ADGRG4: variants seen among roughly 807,000 people sequenced by gnomAD.
ADGRG4 encodes adhesion G protein-coupled receptor G4.
A neutral mutation model predicts 126.2 loss-of-function variants in ADGRG4; 122 were observed. The ratio of observed to expected loss-of-function variants is 0.97; its 90% CI spans 0.83 to 1.12. The LOEUF is 1.12. ADGRG4 is among the 50% of genes most tolerant of loss of function. The probability of loss-of-function intolerance (pLI) is 0.00; values close to 1 mark genes in which losing one functional copy is unlikely to be tolerated. For missense variants in ADGRG4, 2,481 were observed against 2,251.8 expected, an observed-to-expected ratio of 1.10 and a Z score of -2.06; for synonymous variants, 943 against 838.7, an observed-to-expected ratio of 1.12 and a Z score of -2.15.
At chrX:136,366,139 A>G (rs1248953865) in intron 13 of ADGRG4, among the ~76,000 whole-genome samples, 2 of 112,299 alleles carry the variant, frequency 1.8e-5, no homozygotes, top group Non-Finnish European at 1.9e-5. Context: ...CCATTACAGT[A>G]TCATATGGGA....
chrX:136,349,959 C>T lies in ADGRG4; in HGVS notation c.6253C>T (p.Pro2085Ser), dbSNP rs1293607565. The T allele has an allele frequency of 2.5e-6, 3 of 1,208,341 alleles. No homozygotes were observed. Among genetic ancestry groups the T allele is most frequent in the Non-Finnish European group, 3.4e-6 (3 of 893,948 alleles). The change falls in exon 6 of 26, where the codon CCA becomes TCA. Residue 2085 changes from proline to serine, a missense_variant. Transcript: ENST00000394143. Reference sequence around the variant, plus strand: ...ACTGGGTGGTATCACTACTGGCTTCCCAACTTCTCTCCCTATGTCTATAAA... The same window carrying T: ...ACTGGGTGGTATCACTACTGGCTTCTCAACTTCTCTCCCTATGTCTATAAA... ...PTLGGITTGFPTSLPMSINVT... is the reference protein window; with the variant it reads ...PTLGGITTGFSTSLPMSINVT...
Position 136,361,507 on chromosome X carries a change from T to C in ADGRG4, c.7197T>C (p.Tyr2399=). The change falls in exon 12 of 26, where the codon TAT becomes TAC. Residue 2399 remains tyrosine (Y), a synonymous_variant. Transcript: ENST00000394143. ...CAGCCTCTAAATACAAAGGGACCTA[T>C]AAGTGGCTATTAACCAACCCTACGG... ...DETASKYKGT[Y]KWLLTNPTET... 1 of 1,188,532 alleles carries C rather than the reference T, an allele frequency of 8.4e-7. No homozygotes were observed. Among genetic ancestry groups the C allele is most frequent in the Non-Finnish European group, 1.1e-6 (1 of 879,048 alleles).
At chrX:136,390,836 G>A (rs966350077) in intron 16 of ADGRG4, among the ~76,000 whole-genome samples, 13 of 110,879 alleles carry the variant, frequency 1.2e-4, no homozygotes, top group African/African-American at 3.3e-4. Context: ...GCGTCACTTA[G>A]ACTAAGTTGG....
rs1466186554 is a variant in ADGRG4 at position 136,345,481 on chromosome X, C to T, written c.1775C>T (p.Ser592Phe). 1.7e-6 allele frequency: 2 copies of T among 1,211,011 alleles called. No individual in the cohort carries two copies. Among genetic ancestry groups the T allele is most frequent in the Admixed American group, 4.4e-5 (2 of 45,938 alleles). Reference protein sequence around the residue: ...TALTPEITLASTVAETMLSST... With the variant: ...TALTPEITLAFTVAETMLSST... ...TTAACTCCTGAAATCACACTTGCAT[C>T]TACAGTGGCTGAAACTATGCTTTCC... Residue 592 changes from serine (S) to phenylalanine (F), a missense_variant, in exon 6 of 26, where the codon TCT (serine) becomes TTT (phenylalanine). By Grantham distance (155) the Ser-to-Phe change is radical (BLOSUM62 -2). Coordinates refer to ENST00000394143, the MANE Select transcript of ADGRG4 (RefSeq NM_153834.4).
In ADGRG4 at chrX:136,349,972, C is replaced by G; in HGVS notation, c.6266C>G (p.Pro2089Arg). ...GITTGFPTSL[P>R]MSINVTDDIV... The stretch of plus-strand genomic sequence containing the variant: ...ACTACTGGCTTCCCAACTTCTCTCC[C>G]TATGTCTATAAATGTCACAGATGAC... Residue 2089 changes from proline to arginine, a missense_variant, in exon 6 of 26, where the codon CCT becomes CGT. Pro to Arg is a moderately radical substitution (Grantham distance 103, BLOSUM62 -2). Transcript: ENST00000394143. 8.3e-7 allele frequency: 1 copy of G among 1,210,119 alleles called. No homozygotes were observed. Among genetic ancestry groups the G allele is most frequent in the Non-Finnish European group, 1.1e-6 (1 of 894,099 alleles).
intron 4 of ADGRG4, among the ~76,000 whole-genome samples, chrX:136,314,762 G>A (rs992488263): frequency 4.9e-4 from 55 of 112,051 alleles, no homozygotes; most frequent in African/African-American, 1.8e-3. Flanking sequence ...AAGCTGATGA[G>A]CTCAGGGACC....
chrX:136,397,889 C>T lies in ADGRG4; in HGVS notation c.8193C>T (p.Ser2731=). ...CACATTGTGTTCCTTAGGATTTATCCAGGTCTACAGTGGATTCAGTGAATG... is the reference window on the plus strand; with the variant it reads ...CACATTGTGTTCCTTAGGATTTATCTAGGTCTACAGTGGATTCAGTGAATG... ...LTHFGVLMDL[S]RSTVDSVNEQ... Residue 2731 remains serine, a synonymous_variant, in exon 20 of 26, where the codon TCC becomes TCT. Coordinates refer to ENST00000394143, the MANE Select transcript of ADGRG4 (RefSeq NM_153834.4). 4.2e-6 allele frequency: 5 copies of T among 1,204,597 alleles called. No homozygotes were observed. Among genetic ancestry groups the T allele is most frequent in the Non-Finnish European group, 5.6e-6 (5 of 889,918 alleles).
chrX:136,313,765 C>G (rs760595498), intron 4 of ADGRG4, among the ~76,000 whole-genome samples: 6 of 111,500 alleles, frequency 5.4e-5, no homozygotes, highest in Admixed American at 9.6e-5. Context: ...GTTCACCGCC[C>G]GGAGGTGGAT....
chrX:136,342,948 T>C (rs774482545), intron 5 of ADGRG4, among the ~76,000 whole-genome samples: 13 of 91,514 alleles, frequency 1.4e-4, no homozygotes, highest in African/African-American at 5.5e-4. Context: ...GGGGATCAGA[T>C]TGGCACTTAA....
intron 7 of ADGRG4, among the ~76,000 whole-genome samples, chrX:136,352,171 G>A (rs894537834): frequency 1.8e-5 from 2 of 111,825 alleles, no homozygotes; most frequent in Non-Finnish European, 3.8e-5. Flanking sequence ...CAAAATAATT[G>A]TAGTTGTACT....
At position 136,412,354 on chromosome X, in the gene ADGRG4, G is replaced by C. The variant is rs746739687; in HGVS notation, c.9025G>C (p.Asp3009His). Residue 3009 changes from aspartate (D) to histidine (H), a missense_variant, in exon 24 of 26, where the codon GAT becomes CAT. Asp to His is a moderately conservative substitution (Grantham distance 81). Coordinates refer to ENST00000394143, the MANE Select transcript of ADGRG4 (RefSeq NM_153834.4). ...IHLCCGWLRL[D>H]NSSDGSSRCQ... ...CCTCTGCTGTGGGTGGTTGCGATTG[G>C]ATAACTCTTCTGGTAAGATGTCAGT... 8.7e-7 allele frequency: 1 copy of C among 1,153,395 alleles called. No individual in the cohort carries two copies. Among genetic ancestry groups the C allele is most frequent in the African/African-American group, 1.8e-5 (1 of 56,785 alleles).
intron 13 of ADGRG4, among the ~76,000 whole-genome samples, chrX:136,366,729 A>C (rs1451764946): frequency 8.9e-6 from 1 of 112,237 alleles, no homozygotes; most frequent in African/African-American, 3.2e-5. Context: ...TGGCTATTCT[A>C]ATAGGTGTGT....
At chrX:136,333,065 C>T (rs1259170039) in intron 5 of ADGRG4, among the ~76,000 whole-genome samples, 4 of 111,199 alleles carry the variant, frequency 3.6e-5, no homozygotes, top group East Asian at 5.6e-4. Context: ...GTGTTTTAGA[C>T]CTGAGAAAAA....
chrX:136,343,997 T>C (rs192138922), intron 5 of ADGRG4, among the ~76,000 whole-genome samples: 5 of 112,128 alleles, frequency 4.5e-5, no homozygotes, highest in Admixed American at 1.9e-4. Flanking sequence ...CAATTCAATT[T>C]CTTTAATAGA....
At chrX:136,408,503 G>A (rs1009668211) in intron 23 of ADGRG4, among the ~76,000 whole-genome samples, 1 of 112,235 alleles carries the variant, frequency 8.9e-6, no homozygotes, top group African/African-American at 3.2e-5. Context: ...TTCACTTAGC[G>A]TAATAGCTCC....
chrX:136,383,865 T>TC (rs2075277867), intron 15 of ADGRG4, among the ~76,000 whole-genome samples: 1 of 64,616 alleles, frequency 1.5e-5, no homozygotes, highest in Admixed American at 1.5e-4. Flanking sequence ...TTTCTTTCTT[T>TC]CTTTCTTTCT....
At chrX:136,319,012 T>G (rs768834678) in intron 4 of ADGRG4, among the ~76,000 whole-genome samples, 4 of 112,447 alleles carry the variant, frequency 3.6e-5, no homozygotes, top group African/African-American at 1.3e-4. Flanking sequence ...AATCATGCAA[T>G]TTGGACTTGA....
In ADGRG4 at chrX:136,346,543, C is replaced by T; in HGVS notation, c.2837C>T (p.Ser946Phe). ...TYVAHWTSET[S>F]EGISAGSPTS... The stretch of plus-strand genomic sequence containing the variant: ...GTAGCACATTGGACTTCAGAGACAT[C>T]TGAGGGAATTTCAGCTGGATCTCCC... The change falls in exon 6 of 26, where the codon TCT (serine) becomes TTT (phenylalanine). Residue 946 changes from serine to phenylalanine, a missense_variant. Transcript: ENST00000394143. The T allele has an allele frequency of 8.3e-7, 1 of 1,210,136 alleles. No homozygotes were observed. Among genetic ancestry groups the T allele is most frequent in the South Asian group, 1.8e-5 (1 of 56,620 alleles).
At position 136,347,575 on chromosome X, in the gene ADGRG4, G is replaced by A. The variant is rs1351275611; in HGVS notation, c.3869G>A (p.Gly1290Asp). The change falls in exon 6 of 26, where the codon GGT (glycine) becomes GAT (aspartate). Residue 1290 changes from glycine to aspartate, a missense_variant. Coordinates refer to ENST00000394143, the MANE Select transcript of ADGRG4 (RefSeq NM_153834.4). Reference sequence around the variant, plus strand: ...AATTCTTTTATTTCATACTCCCGGGGTACTCCATCTTTGGAAATGACAGAT... The same window carrying A: ...AATTCTTTTATTTCATACTCCCGGGATACTCCATCTTTGGAAATGACAGAT... ...SKNSFISYSR[G>D]TPSLEMTDTG... is the part of the protein sequence containing the mutation. 1 of 1,206,853 alleles carries A rather than the reference G, an allele frequency of 8.3e-7. No individual in the cohort carries two copies. The highest frequency in any genetic ancestry group is 1.1e-6 in the Non-Finnish European group (1 of 891,911).
Sources: gnomAD v4.1 joint callset for allele counts (sites outside exome capture counted in the v4.1 genomes callset) on GRCh38, gnomAD v4.1.1 for gene constraint, MANE v1.5 for transcripts, NCBI Gene and HGNC (gene_info 2026-07-23, HGNC 2026-07-21) for gene names.